Variants in ERGIC1 observed in about 807,000 individuals in gnomAD.
ERGIC1 encodes the protein endoplasmic reticulum-golgi intermediate compartment 1, also known as endoplasmic reticulum-Golgi intermediate compartment protein 1.
ERGIC1 carries 19 observed loss-of-function variants against 38.3 expected under a neutral mutation model. The observed-to-expected ratio is 0.50, with a 90% CI of 0.35 to 0.73. ERGIC1 has a LOEUF of 0.73. ERGIC1 is among the 30% of genes least tolerant of loss of function. The probability of loss-of-function intolerance (pLI) is 0.01; values close to 1 mark genes in which losing one functional copy is unlikely to be tolerated. For synonymous variants in ERGIC1, 124 were observed against 157.6 expected (o/e 0.79, Z 1.60); for missense variants, 294 against 389.2 (o/e 0.76, Z 2.06).
intron 3 of ERGIC1, 149 bp downstream of exon 3, chr5:172,897,223 G>A (rs1762744365): frequency 1.5e-6 from 1 of 651,748 alleles, no homozygotes; most frequent in Non-Finnish European, 2.7e-6. Flanking sequence ...GAGGTCAGGA[G>A]TTGGAGACCA....
chr5:172,874,285 T>C (rs1322290288), intron 1 of ERGIC1, among the ~76,000 whole-genome samples: 1 of 152,094 alleles, frequency 6.6e-6, no homozygotes, highest in East Asian at 1.9e-4. Context: ...TTTACCGTGT[T>C]GGCCAGGCTG....
chr5:172,847,237 A>G (rs978881256), intron 1 of ERGIC1, among the ~76,000 whole-genome samples: 3 of 151,994 alleles, frequency 2.0e-5, no homozygotes, highest in African/African-American at 7.3e-5. Context: ...GATGGGGACA[A>G]TTGGGTGGCA....
At chr5:172,902,050 C>G (rs956985826) in intron 3 of ERGIC1, among the ~76,000 whole-genome samples, 2 of 152,208 alleles carry the variant, frequency 1.3e-5, no homozygotes. Context: ...GAGTCAAACA[C>G]GGGTCTGTGA....
chr5:172,887,682 C>T (rs1434039317), intron 1 of ERGIC1, among the ~76,000 whole-genome samples: 4 of 152,218 alleles, frequency 2.6e-5, no homozygotes, highest in African/African-American at 4.8e-5. Flanking sequence ...CTACACCACA[C>T]GATTTCCCTG....
chr5:172,900,060 T>G (rs1321019240), intron 3 of ERGIC1, among the ~76,000 whole-genome samples: 1 of 152,196 alleles, frequency 6.6e-6, no homozygotes, highest in Non-Finnish European at 1.5e-5. Flanking sequence ...AGAAGATGCC[T>G]CTCTTGCCTG....
At chr5:172,865,056 T>C (rs1298206386) in intron 1 of ERGIC1, among the ~76,000 whole-genome samples, 7 of 140,364 alleles carry the variant, frequency 5.0e-5, no homozygotes, top group Non-Finnish European at 7.7e-5. Flanking sequence ...AAATTCTTTT[T>C]TTTTTTTTTT....
intron 1 of ERGIC1, among the ~76,000 whole-genome samples, chr5:172,859,058 G>T (rs376181778): frequency 6.6e-6 from 1 of 152,108 alleles, no homozygotes; most frequent in Non-Finnish European, 1.5e-5. Flanking sequence ...GGTCGTCATC[G>T]GCGCCCTTAC....
chr5:172,883,747 C>T (rs1169889926), intron 1 of ERGIC1, among the ~76,000 whole-genome samples: 1 of 152,070 alleles, frequency 6.6e-6, no homozygotes, highest in Non-Finnish European at 1.5e-5. Flanking sequence ...TTTGGGAGGC[C>T]GAGGCGGGCA....
chr5:172,889,232 C>T (rs1018175583), intron 2 of ERGIC1, among the ~76,000 whole-genome samples: 1 of 151,214 alleles, frequency 6.6e-6, no homozygotes, highest in African/African-American at 2.4e-5. Context: ...TGCAGTGAGC[C>T]GAGATCACAC....
chr5:172,855,418 G>A (rs1418219792), intron 1 of ERGIC1, among the ~76,000 whole-genome samples: 2 of 152,212 alleles, frequency 1.3e-5, no homozygotes, highest in Non-Finnish European at 2.9e-5. Context: ...AGTCATGTAA[G>A]AGATGTCTGT....
Position 172,909,766 on chromosome 5 carries a change from G to A in ERGIC1, c.250+5G>A, listed in dbSNP as rs578177304. The A allele has an allele frequency of 1.2e-6, 2 of 1,613,470 alleles. No homozygotes were observed. Among genetic ancestry groups the A allele is most frequent in the Non-Finnish European group, 1.7e-6 (2 of 1,179,380 alleles). ...TACCCAATCTGCACTGCGAGTGTGA[G>A]TACTCCACGCAGCCCCTCCCTCCAG... is the stretch of plus-strand genomic sequence containing the variant. On this transcript the variant is annotated splice_donor_5th_base_variant and intron_variant, in intron 4 of 9. Transcript: ENST00000393784.
intron 1 of ERGIC1, among the ~76,000 whole-genome samples, chr5:172,848,146 G>C (rs370136672): frequency 1.2e-3 from 176 of 152,354 alleles, no homozygotes; most frequent in African/African-American, 4.1e-3. Flanking sequence ...GGTGGGGTCT[G>C]ATGTCATTTA....
intron 1 of ERGIC1, among the ~76,000 whole-genome samples, chr5:172,844,517 C>T (rs1761238393): frequency 6.6e-6 from 1 of 152,206 alleles, no homozygotes; most frequent in Non-Finnish European, 1.5e-5. Flanking sequence ...GGCAGTGTGA[C>T]CAGGACAAGC....
At chr5:172,871,222 G>C (rs777597896) in intron 1 of ERGIC1, among the ~76,000 whole-genome samples, 2 of 152,222 alleles carry the variant, frequency 1.3e-5, no homozygotes, top group African/African-American at 2.4e-5. Flanking sequence ...AAAGGGATGC[G>C]TGAGCTGAGT....
chr5:172,897,210 C>G, intron 3 of ERGIC1, 136 bp downstream of exon 3: 1 of 727,706 alleles, frequency 1.4e-6, no homozygotes, highest in Non-Finnish European at 2.3e-6. Context: ...GGGCGGATCA[C>G]CTGAGGTCAG....
chr5:172,884,559 T>C (rs953213681), intron 1 of ERGIC1, among the ~76,000 whole-genome samples: 15 of 152,336 alleles, frequency 9.8e-5, no homozygotes, highest in African/African-American at 3.4e-4. Flanking sequence ...GTGTCTGGCC[T>C]CTTCTTGTCC....
rs376875259 is a variant in ERGIC1 at position 172,950,745 on chromosome 5, G to A, written c.802G>A (p.Gly268Ser). The change falls in exon 10 of 10, where the codon GGC becomes AGC. Residue 268 changes from glycine to serine, a missense_variant. This residue lies in a region of ERGIC1 where 22 missense variants were observed against 50.7 expected (regional missense o/e 0.43). Coordinates refer to ENST00000393784, the MANE Select transcript of ERGIC1 (RefSeq NM_001031711.3). ...AIIGGTFTVA[G>S]ILDSCIFTAS... ...CATTGGCGGGACCTTCACCGTCGCC[G>A]GCATCCTGGACTCATGCATCTTCAC... 16 of 1,612,624 alleles carry A rather than the reference G, an allele frequency of 9.9e-6. No homozygotes were observed. In the Admixed American group the frequency reaches 1.0e-4, roughly 10 times the overall value.
chr5:172,941,893 A>AAG (rs1581589757), intron 9 of ERGIC1, among the ~76,000 whole-genome samples: 1 of 152,124 alleles, frequency 6.6e-6, no homozygotes, highest in East Asian at 1.9e-4. Flanking sequence ...GGGGGCAGGG[A>AAG]AGAGGGCAGG....
Position 172,834,629 on chromosome 5 carries a change from C to G in ERGIC1, c.20+196C>G, listed in dbSNP as rs1327077838. 6.7e-6 allele frequency among the ~76,000 whole-genome samples: 1 copy of G among 150,270 alleles called. No individual in the cohort carries two copies. The highest frequency in any genetic ancestry group is 1.5e-5 in the Non-Finnish European group (1 of 67,196). On this transcript the variant is annotated intron_variant, in intron 1 of 9. Transcript: ENST00000393784. This position sits in a 1 kb window ranked among gnomAD's most constrained non-coding sequence, Gnocchi z 4.1. ...CCAGCCAGAGCCGCGGAGGCCCCCT[C>G]GTGCAGCGGGAGACAAATCCACCCA...
Sources: gnomAD v4.1 joint callset for allele counts (sites outside exome capture counted in the v4.1 genomes callset) on GRCh38, gnomAD v4.1.1 for gene constraint, gnomAD v4.1.1 regional missense constraint, Gnocchi (gnomAD v3.1) non-coding constraint, MANE v1.5 for transcripts, NCBI Gene and HGNC (gene_info 2026-07-23, HGNC 2026-07-21) for gene names.